APP: variants seen among roughly 807,000 people sequenced by gnomAD.
APP encodes the protein amyloid beta precursor protein.
In APP, 31 loss-of-function variants were observed where a neutral mutation model predicts 101.4. That is an observed-to-expected ratio of 0.31 (90% CI 0.23 to 0.41). The LOEUF (loss-of-function observed/expected upper bound fraction) is 0.41. APP is among the 10% of genes least tolerant of loss of function. The probability of loss-of-function intolerance (pLI) is 1.00; values close to 1 mark genes in which losing one functional copy is unlikely to be tolerated. For missense variants in APP, 839 were observed against 1,003.7 expected (o/e 0.84, Z 2.22); for synonymous variants, 366 against 364.4 (o/e 1.00, Z -0.05).
In APP at chr21:26,050,930, T is replaced by C. The variant is rs151158877; in HGVS notation, c.662+70A>G. On this transcript the variant is annotated intron_variant, in intron 5 of 17. Transcript: ENST00000346798. ...TTTCAGTGATAAACAGAAAGATTAA[T>C]TTACAGGATACAAATACTCCATACA... is the stretch of plus-strand genomic sequence containing the variant. 486 of 1,569,748 alleles carry C rather than the reference T, an allele frequency of 3.1e-4. 2 individuals are homozygous for C. The African/African-American group carries it at 5.7e-3, about 18-fold the overall frequency.
At chr21:25,962,949 G>A (rs1057328913) in intron 11 of APP, among the ~76,000 whole-genome samples, 8 of 151,994 alleles carry the variant, frequency 5.3e-5, no homozygotes, top group African/African-American at 1.7e-4. Flanking sequence ...AGTTCAGCTG[G>A]GATTACAGGC....
chr21:26,058,396 C>T (rs977080245), intron 3 of APP, among the ~76,000 whole-genome samples: 1 of 151,492 alleles, frequency 6.6e-6, no homozygotes, highest in Non-Finnish European at 1.5e-5. Flanking sequence ...TCACCCTGAA[C>T]AAAAAAAATC....
intron 17 of APP, among the ~76,000 whole-genome samples, chr21:25,887,440 G>A (rs529697523): frequency 6.0e-5 from 9 of 150,536 alleles, no homozygotes; most frequent in South Asian, 4.2e-4. Flanking sequence ...TTGGGAAAGC[G>A]TGGCCAATGG....
At chr21:25,897,800 G>T (rs1448133236) in intron 15 of APP, 127 bp from the exon 16 acceptor site, 1 of 747,392 alleles carries the variant, frequency 1.3e-6, no homozygotes, top group Non-Finnish European at 2.3e-6. Flanking sequence ...ATTGATAAAT[G>T]ACTCTTAAAG....
chr21:26,013,771 C>G (rs977279695), intron 6 of APP, among the ~76,000 whole-genome samples: 2 of 152,054 alleles, frequency 1.3e-5, no homozygotes, highest in African/African-American at 2.4e-5. Flanking sequence ...TGGCTCTATT[C>G]CCTAGTCTCA....
At chr21:25,966,340 C>T (rs1020175022) in intron 11 of APP, among the ~76,000 whole-genome samples, 1 of 152,148 alleles carries the variant, frequency 6.6e-6, no homozygotes, top group African/African-American at 2.4e-5. Context: ...GCTAATGAGT[C>T]CCCCTTTGCT....
intron 1 of APP, among the ~76,000 whole-genome samples, chr21:26,121,427 G>A (rs1482806023): frequency 4.0e-5 from 6 of 151,484 alleles, no homozygotes; most frequent in Admixed American, 6.6e-5. Context: ...TCACTCTGTC[G>A]CCCAGGCTGG....
chr21:25,965,367 A>G (rs995400238), intron 11 of APP, among the ~76,000 whole-genome samples: 2 of 152,252 alleles, frequency 1.3e-5, no homozygotes, highest in African/African-American at 4.8e-5. Flanking sequence ...AGAGAGATTT[A>G]CAGCAATCTG....
chr21:25,955,478 C>T (rs754649211), intron 12 of APP, 149 bp downstream of exon 12: 4 of 1,180,436 alleles, frequency 3.4e-6, no homozygotes, highest in Non-Finnish European at 4.9e-6. Context: ...CTAAGACAAG[C>T]TTTTAGAATT....
At chr21:25,894,900 G>A (rs1224462160) in intron 16 of APP, among the ~76,000 whole-genome samples, 2 of 152,092 alleles carry the variant, frequency 1.3e-5, no homozygotes, top group Admixed American at 6.5e-5. Flanking sequence ...AGAGTCAATC[G>A]ATGCAGCAAA....
At chr21:26,078,585 A>C (rs2061538512) in intron 3 of APP, among the ~76,000 whole-genome samples, 1 of 152,106 alleles carries the variant, frequency 6.6e-6, no homozygotes, top group Non-Finnish European at 1.5e-5. Context: ...TGTCTGTACC[A>C]CTCTAAACAC....
chr21:25,917,133 C>T (rs779493989), intron 13 of APP, among the ~76,000 whole-genome samples: 26 of 152,058 alleles, frequency 1.7e-4, no homozygotes, highest in East Asian at 3.9e-4. Flanking sequence ...TGGTGGCGGA[C>T]GCCTGTAATC....
chr21:25,909,699 C>A (rs769582857), intron 14 of APP, among the ~76,000 whole-genome samples: 1 of 152,142 alleles, frequency 6.6e-6, no homozygotes, highest in African/African-American at 2.4e-5. Context: ...AAAATGAGAT[C>A]GGACATTTTT....
At position 26,057,473 on chromosome 21, in the gene APP, CCACACACA is replaced by C. The variant is rs71855086; in HGVS notation, c.356-4133_356-4126del. Among the ~76,000 whole-genome samples the C allele has an allele frequency of 2.0e-4, 30 of 149,168 alleles. No homozygotes were observed. In the East Asian group the frequency reaches 4.5e-3, roughly 22 times the overall value. On this transcript the variant is annotated intron_variant, in intron 3 of 17. Coordinates refer to ENST00000346798, the MANE Select transcript of APP (RefSeq NM_000484.4). The stretch of plus-strand genomic sequence containing the variant: ...TTATATTCAAAACGCATGTCACACA[CCACACACA>C]CACACACACACACACACACCCAACT...
At position 26,134,536 on chromosome 21, in the gene APP, G is replaced by A. The variant is rs527635787; in HGVS notation, c.58-22390C>T. On this transcript the variant is annotated intron_variant, in intron 1 of 17. Transcript: ENST00000346798. ...GGAAGAGATGCACGGGGTGAGGTGC[G>A]GCTGAAGAGAAAACGAGATTCCATG... is the stretch of plus-strand genomic sequence containing the variant. Among the ~76,000 whole-genome samples, 8 of 152,252 alleles carry A rather than the reference G, an allele frequency of 5.3e-5. No individual in the cohort carries two copies. In the South Asian group the frequency reaches 1.2e-3, roughly 24 times the overall value.
At chr21:26,047,078 G>C (rs1221867968) in intron 5 of APP, among the ~76,000 whole-genome samples, 1 of 151,906 alleles carries the variant, frequency 6.6e-6, no homozygotes, top group Non-Finnish European at 1.5e-5. Context: ...AAATATACTC[G>C]GTAATTTACA....
intron 5 of APP, among the ~76,000 whole-genome samples, chr21:26,039,624 A>T (rs1253403521): frequency 6.6e-6 from 1 of 152,246 alleles, no homozygotes; most frequent in African/African-American, 2.4e-5. Flanking sequence ...TATATGCTCA[A>T]CATTCACTTC....
intron 6 of APP, among the ~76,000 whole-genome samples, chr21:26,013,438 ATTC>A (rs1485406997): frequency 6.6e-6 from 1 of 151,424 alleles, no homozygotes; most frequent in Admixed American, 6.6e-5. Flanking sequence ...TTAATTGCAA[ATTC>A]TTGAGTTGAG....
intron 1 of APP, among the ~76,000 whole-genome samples, chr21:26,157,659 G>C (rs145663692): frequency 6.6e-6 from 1 of 152,122 alleles, no homozygotes; most frequent in African/African-American, 2.4e-5. Context: ...TTTCTGTGAC[G>C]TATCTTCATT....
Sources: gnomAD v4.1 joint callset for allele counts (sites outside exome capture counted in the v4.1 genomes callset) on GRCh38, gnomAD v4.1.1 for gene constraint, MANE v1.5 for transcripts, NCBI Gene and HGNC (gene_info 2026-07-23, HGNC 2026-07-21) for gene names.